The following CBLB variants were observed in gnomAD, a reference collection of about 807,000 sequenced individuals.
The protein encoded by CBLB is Cbl proto-oncogene B.
A neutral mutation model predicts 104.9 loss-of-function variants in CBLB; 31 were observed. The ratio of observed to expected loss-of-function variants is 0.30; its 90% CI spans 0.22 to 0.40. CBLB has a LOEUF of 0.40. CBLB is among the 10% of genes least tolerant of loss of function. The pLI, the probability that CBLB is intolerant of heterozygous loss-of-function variation, is 1.00. For synonymous variants in CBLB, 440 were observed against 422.6 expected (o/e 1.04, Z -0.51); for missense variants, 1,062 against 1,214.6 (o/e 0.87, Z 1.87).
At chr3:105,671,981 AT>A (rs1473483972) in intron 17 of CBLB, 1 of 191,370 alleles carries the variant, frequency 5.2e-6, no homozygotes, top group Non-Finnish European at 1.1e-5. Flanking sequence ...AAATATGGTG[AT>A]TTCAGCATAA....
In CBLB at chr3:105,734,158, GGGA is replaced by G; in HGVS notation, c.1072-21_1072-19del. ...TATTGTTCCTGGAATTTGGGGAGGA[GGGA>G]GAAAGTAATGTTAATGTATTTCCAG... On this transcript the variant is annotated intron_variant, in intron 8 of 18. Transcript: ENST00000394030. 6.2e-7 allele frequency: 1 copy of G among 1,612,530 alleles called. No individual in the cohort carries two copies. Among genetic ancestry groups the G allele is most frequent in the Non-Finnish European group, 8.5e-7 (1 of 1,178,652 alleles).
chr3:105,813,495 T>A (rs1304901468), intron 3 of CBLB, among the ~76,000 whole-genome samples: 2 of 152,116 alleles, frequency 1.3e-5, no homozygotes, highest in Non-Finnish European at 2.9e-5. Context: ...CTCCTAAATA[T>A]TAACATTGTC....
intron 17 of CBLB, 24 bp from the exon 18 acceptor site, chr3:105,670,376 A>T (rs1309702989): frequency 6.3e-7 from 1 of 1,599,104 alleles, no homozygotes; most frequent in Non-Finnish European, 8.6e-7. Context: ...ACAAGTTTCA[A>T]ATTAAAAGGA....
At chr3:105,735,283 A>C (rs1006010268) in intron 8 of CBLB, among the ~76,000 whole-genome samples, 2 of 152,180 alleles carry the variant, frequency 1.3e-5, no homozygotes, top group Non-Finnish European at 2.9e-5. Context: ...TTTTGTGGGG[A>C]ACTTAAGGAA....
rs2063380965 is a variant in CBLB, at chr3:105,656,803, G to T, written c.*2167C>A. On this transcript the variant is annotated 3_prime_UTR_variant, in exon 19 of 19. Coordinates refer to ENST00000394030, the MANE Select transcript of CBLB (RefSeq NM_170662.5). ...TGCAACAATGTTATCACAATGAAGTGGCAACTTTTGGCCTTTAGACTGTAC... is the reference window on the plus strand; with the variant it reads ...TGCAACAATGTTATCACAATGAAGTTGCAACTTTTGGCCTTTAGACTGTAC... 9.8e-6 allele frequency: 2 copies of T among 204,142 alleles called. No individual in the cohort carries two copies. The highest frequency in any genetic ancestry group is 4.6e-5 in the African/African-American group (2 of 43,680). The allele number at this position is 204,142 out of a possible 1,614,324, so 12.6% of individuals were successfully genotyped here.
intron 4 of CBLB, among the ~76,000 whole-genome samples, chr3:105,773,460 C>G (rs1437721028): frequency 1.3e-5 from 2 of 152,086 alleles, no homozygotes; most frequent in Non-Finnish European, 2.9e-5. Flanking sequence ...CTCAGGTGAC[C>G]AGTGCACTAA....
intron 3 of CBLB, among the ~76,000 whole-genome samples, chr3:105,843,731 T>C (rs2089867224): frequency 6.6e-6 from 1 of 152,212 alleles, no homozygotes; most frequent in African/African-American, 2.4e-5. Context: ...ATTACACACC[T>C]GAAAAAAACT....
In CBLB at chr3:105,678,589, T is replaced by C. The variant is rs1576271643; in HGVS notation, c.2429-18A>G. 6.2e-7 allele frequency: 1 copy of C among 1,609,698 alleles called. No homozygotes were observed. Among genetic ancestry groups the C allele is most frequent in the East Asian group, 2.2e-5 (1 of 44,718 alleles). On this transcript the variant is annotated intron_variant, in intron 16 of 18. Transcript: ENST00000394030. ...ATCTTCACCTGCATTTAAAGAAAGGTCGATATCAGCAGCAGAACTTCATTA... is the reference window on the plus strand; with the variant it reads ...ATCTTCACCTGCATTTAAAGAAAGGCCGATATCAGCAGCAGAACTTCATTA...
intron 3 of CBLB, 145 bp from the exon 4 acceptor site, chr3:105,776,687 T>A: frequency 1.4e-6 from 1 of 711,890 alleles, no homozygotes; most frequent in Non-Finnish European, 2.3e-6. Context: ...CTCAACTTAA[T>A]GCTGCCCTTA....
At chr3:105,689,616 T>A (rs951029434) in intron 13 of CBLB, among the ~76,000 whole-genome samples, 2 of 151,180 alleles carry the variant, frequency 1.3e-5, no homozygotes, top group African/African-American at 4.8e-5. Context: ...GCCAATCTAT[T>A]GTGTGCCAAG....
chr3:105,864,466 C>G lies in CBLB; in HGVS notation c.168+2944G>C, dbSNP rs564271527. Among the ~76,000 whole-genome samples the G allele has an allele frequency of 3.9e-5, 6 of 152,288 alleles. No homozygotes were observed. In the South Asian group the frequency reaches 1.2e-3, roughly 32 times the overall value. ...GTATTCATGATTAATACTTCTATCACTGTATCAAATAAGCATCCACTGATG... is the reference window on the plus strand; with the variant it reads ...GTATTCATGATTAATACTTCTATCAGTGTATCAAATAAGCATCCACTGATG... On this transcript the variant is annotated intron_variant, in intron 2 of 18. Transcript: ENST00000394030.
chr3:105,854,614 G>C (rs907643407), intron 2 of CBLB, among the ~76,000 whole-genome samples: 1 of 143,080 alleles, frequency 7.0e-6, no homozygotes, highest in African/African-American at 2.6e-5. Context: ...TTGTCAAATT[G>C]TCAAGAGTAT....
chr3:105,826,525 C>T (rs1348082311), intron 3 of CBLB, among the ~76,000 whole-genome samples: 2 of 152,156 alleles, frequency 1.3e-5, no homozygotes, highest in African/African-American at 2.4e-5. Flanking sequence ...AATGGTTTCT[C>T]GACAGCTTTT....
At chr3:105,774,263 T>C (rs2079202914) in intron 4 of CBLB, among the ~76,000 whole-genome samples, 1 of 152,092 alleles carries the variant, frequency 6.6e-6, no homozygotes. Context: ...ATACAAACAG[T>C]ATTAGAGCAT....
intron 4 of CBLB, among the ~76,000 whole-genome samples, chr3:105,772,153 C>T (rs2152955456): frequency 6.6e-6 from 1 of 152,282 alleles, no homozygotes; most frequent in Non-Finnish European, 1.5e-5. Context: ...ACCAAAGCAG[C>T]ATGGTACTGG....
rs1333352035 is a variant in CBLB, at chr3:105,704,213, T to C, written c.1408-40A>G. 8 of 1,562,940 alleles carry C rather than the reference T, an allele frequency of 5.1e-6. No homozygotes were observed. In the Middle Eastern group the frequency reaches 7.0e-4, roughly 137 times the overall value. ...GAGAAAGATGCCGCTGTTTATTAGCTGTGCAGAGTGTTCTCTGTTCTTAAA... is the reference window on the plus strand; with the variant it reads ...GAGAAAGATGCCGCTGTTTATTAGCCGTGCAGAGTGTTCTCTGTTCTTAAA... On this transcript the variant is annotated intron_variant, in intron 10 of 18. Transcript: ENST00000394030.
In CBLB at chr3:105,820,327, G is replaced by A. The variant is rs188007078; in HGVS notation, c.419+33087C>T. On this transcript the variant is annotated intron_variant, in intron 3 of 18. Transcript: ENST00000394030. ...GCCCACCACTTGCTTCATGCTGTACGTCCAGTTCCTGATATCGGTATCGGT... is the reference window on the plus strand; with the variant it reads ...GCCCACCACTTGCTTCATGCTGTACATCCAGTTCCTGATATCGGTATCGGT... 2.0e-3 allele frequency among the ~76,000 whole-genome samples: 304 copies of A among 152,290 alleles called. 2 individuals are homozygous for A. The highest frequency in any genetic ancestry group is 7.1e-3 in the African/African-American group (295 of 41,558).
chr3:105,812,892 G>C (rs2084497895), intron 3 of CBLB, among the ~76,000 whole-genome samples: 2 of 151,874 alleles, frequency 1.3e-5, no homozygotes. Context: ...AGTCATCTTA[G>C]GCCGTTACTT....
chr3:105,700,965 A>G (rs2069014236), intron 12 of CBLB, among the ~76,000 whole-genome samples: 1 of 152,250 alleles, frequency 6.6e-6, no homozygotes, highest in African/African-American at 2.4e-5. Context: ...TCTGTAAAAT[A>G]TCAATTTAAG....
Sources: allele counts gnomAD v4.1 joint callset (sites outside exome capture counted in the v4.1 genomes callset), GRCh38; gene constraint gnomAD v4.1.1; transcripts MANE v1.5; gene names NCBI Gene and HGNC (gene_info 2026-07-23, HGNC 2026-07-21).